C7: variants seen among roughly 807,000 people sequenced by gnomAD.
C7 encodes complement C7, also known as complement component C7.
In C7, 83 loss-of-function variants were observed where a neutral mutation model predicts 104.8. The observed-to-expected ratio is 0.79, with a 90% CI of 0.66 to 0.95. The LOEUF (loss-of-function observed/expected upper bound fraction) is 0.95, where lower values mean the gene tolerates loss of function less well. Among genes scored for constraint, C7 ranks in the 40% least tolerant of loss-of-function variants. The probability of loss-of-function intolerance (pLI) is 0.00; values close to 1 mark genes in which losing one functional copy is unlikely to be tolerated. For missense variants in C7, 1,070 were observed against 1,011.2 expected (o/e 1.06, Z -0.79); for synonymous variants, 415 against 360.6 (o/e 1.15, Z -1.71).
At chr5:40,934,994 C>A (rs1739783285) in intron 4 of C7, among the ~76,000 whole-genome samples, 1 of 152,168 alleles carries the variant, frequency 6.6e-6, no homozygotes, top group African/African-American at 2.4e-5. Context: ...ATTTATGATT[C>A]TTGTTTCAAA....
chr5:40,947,660 A>G lies in C7; in HGVS notation c.797A>G (p.Asn266Ser). 2.5e-6 allele frequency: 4 copies of G among 1,613,632 alleles called. No homozygotes were observed. Among genetic ancestry groups the G allele is most frequent in the Non-Finnish European group, 2.5e-6 (3 of 1,179,728 alleles). Reference sequence around the variant, plus strand: ...GAAGTGGCTCAGTTCATTAATAACAATCCAGAATTTTTACAACTTGCTGAG... The same window carrying G: ...GAAGTGGCTCAGTTCATTAATAACAGTCCAGAATTTTTACAACTTGCTGAG... The part of the protein sequence containing the change: ...TVEVAQFINN[N>S]PEFLQLAEPF... The change falls in exon 8 of 18, where the codon AAT becomes AGT. Residue 266 changes from asparagine (N) to serine (S), a missense_variant. Coordinates refer to ENST00000313164, the MANE Select transcript of C7 (RefSeq NM_000587.4).
At chr5:40,947,263 A>G (rs1356581465) in intron 7 of C7, among the ~76,000 whole-genome samples, 1 of 151,228 alleles carries the variant, frequency 6.6e-6, no homozygotes, top group East Asian at 2.0e-4. Flanking sequence ...CCATGGCAGG[A>G]TAATTTTTGT....
intron 3 of C7, among the ~76,000 whole-genome samples, chr5:40,933,180 G>C (rs1034056469): frequency 1.3e-5 from 2 of 152,132 alleles, no homozygotes; most frequent in Non-Finnish European, 2.9e-5. Flanking sequence ...CCATGCTCAG[G>C]CTGGTGCGTA....
At chr5:40,959,682 G>T in intron 12 of C7, 62 bp downstream of exon 12, 1 of 1,252,634 alleles carries the variant, frequency 8.0e-7, no homozygotes, top group South Asian at 1.9e-5. Flanking sequence ...AGTTAGCATG[G>T]AACACATGAT....
intron 7 of C7, among the ~76,000 whole-genome samples, chr5:40,945,739 C>T (rs1163457265): frequency 6.6e-6 from 1 of 151,370 alleles, no homozygotes; most frequent in Non-Finnish European, 1.5e-5. Context: ...TGGTGCATGC[C>T]TATAGTCCCA....
chr5:40,957,532 C>G (rs767162972), intron 10 of C7, among the ~76,000 whole-genome samples: 5 of 151,900 alleles, frequency 3.3e-5, no homozygotes, highest in Admixed American at 1.3e-4. Flanking sequence ...CTTGGCTCAG[C>G]GCAACCTCCA....
At chr5:40,979,961 G>A in intron 17 of C7, 52 bp downstream of exon 17, 1 of 1,449,802 alleles carries the variant, frequency 6.9e-7, no homozygotes, top group Non-Finnish European at 9.2e-7. Flanking sequence ...TCACAGTACT[G>A]AGGATTTAAA....
rs746087336 is a variant in C7, at chr5:40,964,755, G to A, written c.1764G>A (p.Met588Ile). Reference protein sequence around the residue: ...KDGFVQDEGTMFPVGKNVVYT... With the variant: ...KDGFVQDEGTIFPVGKNVVYT... ...CTTTTGTTTAGGATGAAGGTACAAT[G>A]TTTCCTGTGGGGAAAAATGTAGTGT... Residue 588 changes from methionine (M) to isoleucine (I), a missense_variant, in exon 14 of 18, where the codon ATG (methionine) becomes ATA (isoleucine). Transcript: ENST00000313164. 9.9e-6 allele frequency: 16 copies of A among 1,612,966 alleles called. No homozygotes were observed. The highest frequency in any genetic ancestry group is 1.3e-5 in the Non-Finnish European group (15 of 1,179,228).
intron 16 of C7, among the ~76,000 whole-genome samples, chr5:40,978,165 C>T (rs904489260): frequency 6.9e-6 from 1 of 145,978 alleles, no homozygotes; most frequent in Non-Finnish European, 1.5e-5. Context: ...AAAAAAGAAC[C>T]AAAACACTAA....
rs747232185 is a variant in C7, at chr5:40,947,617, G to A, written c.754G>A (p.Val252Ile). The change falls in exon 8 of 18, where the codon GTT (valine) becomes ATT (isoleucine). Residue 252 changes from valine (V) to isoleucine (I), a missense_variant. Val to Ile is a conservative substitution (Grantham distance 29, BLOSUM62 3). Transcript: ENST00000313164. Reference protein sequence around the residue: ...IHKGKSYQLLVVENTVEVAQF... With the variant: ...IHKGKSYQLLIVENTVEVAQF... ...CTTTCCACAGAGTTACCAACTGCTG[G>A]TTGTTGAGAACACTGTTGAAGTGGC... The A allele has an allele frequency of 1.9e-6, 3 of 1,613,124 alleles. No homozygotes were observed. Among genetic ancestry groups the A allele is most frequent in the Non-Finnish European group, 2.5e-6 (3 of 1,179,576 alleles).
chr5:40,929,414 CA>C (rs1455213027), intron 2 of C7, among the ~76,000 whole-genome samples: 5 of 152,164 alleles, frequency 3.3e-5, no homozygotes, highest in African/African-American at 1.2e-4. Flanking sequence ...GTTCAAGGGT[CA>C]AAAGTATTTA....
At chr5:40,927,427 C>T (rs560724793) in intron 1 of C7, among the ~76,000 whole-genome samples, 1 of 151,784 alleles carries the variant, frequency 6.6e-6, no homozygotes, top group African/African-American at 2.4e-5. Flanking sequence ...TTCTGCATGG[C>T]AAAGGAGACA....
intron 9 of C7, among the ~76,000 whole-genome samples, chr5:40,952,892 C>T (rs1211666001): frequency 3.3e-5 from 5 of 152,162 alleles, no homozygotes; most frequent in Non-Finnish European, 7.4e-5. Flanking sequence ...AAAGAATCTG[C>T]AGTTCTTACA....
At chr5:40,943,177 T>C (rs1243793478) in intron 6 of C7, among the ~76,000 whole-genome samples, 1 of 152,136 alleles carries the variant, frequency 6.6e-6, no homozygotes, top group Non-Finnish European at 1.5e-5. Context: ...CCAAGAAGCC[T>C]AAGCTGAAAC....
chr5:40,973,095 GTGT>G (rs1322779022), intron 15 of C7, among the ~76,000 whole-genome samples: 1 of 152,160 alleles, frequency 6.6e-6, no homozygotes, highest in Non-Finnish European at 1.5e-5. Flanking sequence ...TGAAGGAAAA[GTGT>G]TGTGATTCAT....
At chr5:40,978,041 G>A (rs545003572) in intron 16 of C7, among the ~76,000 whole-genome samples, 1 of 151,838 alleles carries the variant, frequency 6.6e-6, no homozygotes, top group Admixed American at 6.6e-5. Context: ...GACTGAGGTG[G>A]GAGGATTGCT....
intron 7 of C7, among the ~76,000 whole-genome samples, chr5:40,945,848 A>G (rs1206966547): frequency 2.7e-5 from 4 of 147,206 alleles, no homozygotes; most frequent in Non-Finnish European, 4.5e-5. Context: ...TGGGCAACAG[A>G]GTGAGACCCT....
At chr5:40,957,986 C>A (rs1201209209) in intron 10 of C7, 47 bp from the exon 11 acceptor site, 1 of 1,361,140 alleles carries the variant, frequency 7.3e-7, no homozygotes, top group Non-Finnish European at 1.0e-6. Context: ...GCAAAATATT[C>A]TTGCCTAAAT....
intron 3 of C7, among the ~76,000 whole-genome samples, chr5:40,933,790 T>G (rs1698346737): frequency 6.6e-6 from 1 of 152,172 alleles, no homozygotes; most frequent in East Asian, 1.9e-4. Context: ...TCCCAGTACC[T>G]TATCCTCTCT....
Sources: allele counts gnomAD v4.1 joint callset (sites outside exome capture counted in the v4.1 genomes callset), GRCh38; gene constraint gnomAD v4.1.1; transcripts MANE v1.5; gene names NCBI Gene and HGNC (gene_info 2026-07-23, HGNC 2026-07-21).